Variants in ABL1 observed in about 807,000 individuals in gnomAD.
ABL1 encodes ABL proto-oncogene 1, non-receptor tyrosine kinase.
ABL1 carries 11 observed loss-of-function variants against 94.7 expected under a neutral mutation model. That is an observed-to-expected ratio of 0.12 (90% CI 0.07 to 0.19). The LOEUF (loss-of-function observed/expected upper bound fraction) is 0.19. Among genes scored for constraint, ABL1 ranks in the 10% least tolerant of loss-of-function variants. ABL1 has a pLI of 1.00. For synonymous variants in ABL1, 656 were observed against 622.4 expected, an observed-to-expected ratio of 1.05 and a Z score of -0.80; for missense variants, 1,082 against 1,489.4, an observed-to-expected ratio of 0.73 and a Z score of 4.50.
chr9:130,836,151 C>G (rs1830579814), intron 1 of ABL1, among the ~76,000 whole-genome samples: 3 of 152,204 alleles, frequency 2.0e-5, no homozygotes, highest in Admixed American at 6.5e-5. Flanking sequence ...GGAATTCGCT[C>G]TCTTTTCAGG....
rs1230482759 is a variant in ABL1, at chr9:130,872,141, G to C, written c.835G>C (p.Glu279Gln). 1 of 1,614,146 alleles carries C rather than the reference G, an allele frequency of 6.2e-7. No individual in the cohort carries two copies. Among genetic ancestry groups the C allele is most frequent in the Non-Finnish European group, 8.5e-7 (1 of 1,179,980 alleles). The stretch of plus-strand genomic sequence containing the variant: ...TTTCCTTCTGCAGGAGGACACCATG[G>C]AGGTGGAAGAGTTCTTGAAAGAAGC... ...AVKTLKEDTM[E>Q]VEEFLKEAAV... The change falls in exon 5 of 11, where the codon GAG becomes CAG. Residue 279 changes from glutamate to glutamine, a missense_variant. By Grantham distance (29) the Glu-to-Gln change is conservative. Around this residue, in one of 7 missense-constraint regions of ABL1, gnomAD observed 92 missense variants for 212.3 expected, o/e 0.43. Transcript: ENST00000318560. The surrounding 1 kb of genome is among the most constrained non-coding windows in gnomAD (Gnocchi z 5.0).
intron 1 of ABL1, among the ~76,000 whole-genome samples, chr9:130,815,256 C>T (rs1424944766): frequency 1.3e-5 from 2 of 152,164 alleles, no homozygotes; most frequent in East Asian, 3.9e-4. Context: ...ATCGCTTGAA[C>T]CCGGGAGGCG....
chr9:130,845,467 G>A (rs918042066), intron 1 of ABL1, among the ~76,000 whole-genome samples: 4 of 151,896 alleles, frequency 2.6e-5, no homozygotes, highest in South Asian at 2.1e-4. Context: ...TCAGCCTCCC[G>A]AGTAGCTGGG....
intron 1 of ABL1, among the ~76,000 whole-genome samples, chr9:130,728,993 C>A (rs1412873745): frequency 6.6e-6 from 1 of 152,068 alleles, no homozygotes; most frequent in East Asian, 1.9e-4. Context: ...TTTGTTTTGA[C>A]AAGTAGTTAG....
At chr9:130,723,851 A>AGGCTGCCCTGACAGGCTG (rs1831545554) in intron 1 of ABL1, among the ~76,000 whole-genome samples, 1 of 151,476 alleles carries the variant, frequency 6.6e-6, no homozygotes, top group South Asian at 2.1e-4. Flanking sequence ...TCGCTCTGTC[A>AGGCTGCCCTGACAGGCTG]CCCAGGCTGG....
intron 1 of ABL1, among the ~76,000 whole-genome samples, chr9:130,837,840 T>G (rs1199851886): frequency 6.6e-6 from 1 of 152,174 alleles, no homozygotes; most frequent in African/African-American, 2.4e-5. Flanking sequence ...AGTCAATCAG[T>G]GTCGATCAGT....
intron 8 of ABL1, among the ~76,000 whole-genome samples, chr9:130,879,615 A>T (rs1176328154): frequency 6.6e-6 from 1 of 152,256 alleles, no homozygotes; most frequent in Non-Finnish European, 1.5e-5. Context: ...TGCTCCAGTC[A>T]GACGCATATG....
At position 130,877,142 on chromosome 9, in the gene ABL1, T is replaced by C. The variant is rs1408669038; in HGVS notation, c.1271-1273T>C. Among the ~76,000 whole-genome samples, 2 of 148,014 alleles carry C rather than the reference T, an allele frequency of 1.4e-5. 1 individual carries two copies. The highest frequency in any genetic ancestry group is 5.2e-5 in the African/African-American group (2 of 38,650). The stretch of plus-strand genomic sequence containing the variant: ...TTATTTTCCCTGTTGATATTCAGAT[T>C]GTCTCGTCTTTGGCCAGTGGGAACT... On this transcript the variant is annotated intron_variant, in intron 7 of 10. Coordinates refer to ENST00000318560, the MANE Select transcript of ABL1 (RefSeq NM_005157.6).
intron 1 of ABL1, among the ~76,000 whole-genome samples, chr9:130,724,296 C>A (rs919129417): frequency 1.3e-5 from 2 of 152,086 alleles, no homozygotes; most frequent in Admixed American, 1.3e-4. Flanking sequence ...AAAAAAAATT[C>A]TTGATAAGAA....
chr9:130,876,719 C>T (rs1434025413), intron 7 of ABL1, among the ~76,000 whole-genome samples: 1 of 149,138 alleles, frequency 6.7e-6, no homozygotes, highest in Non-Finnish European at 1.5e-5. Context: ...CCATGCCCTG[C>T]CACAAGTTGG....
chr9:130,841,534 G>A (rs1032033668), intron 1 of ABL1, among the ~76,000 whole-genome samples: 5 of 152,046 alleles, frequency 3.3e-5, no homozygotes, highest in African/African-American at 7.2e-5. Context: ...TTTTCAGGCC[G>A]GGCGCGGTGG....
At chr9:130,842,051 G>A (rs1830681815) in intron 1 of ABL1, among the ~76,000 whole-genome samples, 1 of 151,488 alleles carries the variant, frequency 6.6e-6, no homozygotes, top group African/African-American at 2.4e-5. Flanking sequence ...AAAACAAGCT[G>A]GGAGGGAAGG....
At chr9:130,750,984 G>A (rs552765796) in intron 1 of ABL1, among the ~76,000 whole-genome samples, 1 of 151,778 alleles carries the variant, frequency 6.6e-6, no homozygotes, top group East Asian at 1.9e-4. Context: ...TGGTAGGATT[G>A]AGGTAGTTGT....
At chr9:130,836,108 C>T (rs185483086) in intron 1 of ABL1, among the ~76,000 whole-genome samples, 1 of 152,326 alleles carries the variant, frequency 6.6e-6, no homozygotes, top group East Asian at 1.9e-4. Flanking sequence ...CTCCCCCACC[C>T]CCATCTTATC....
intron 1 of ABL1, among the ~76,000 whole-genome samples, chr9:130,845,623 G>A (rs1463113547): frequency 6.6e-6 from 1 of 152,090 alleles, no homozygotes; most frequent in Non-Finnish European, 1.5e-5. Flanking sequence ...ATCAGGTGAC[G>A]GTTGTGATCA....
Position 130,835,380 on chromosome 9 carries a change from G to C in ABL1, c.-67G>C. The C allele has an allele frequency of 1.7e-6, 2 of 1,202,784 alleles. No homozygotes were observed. The highest frequency in any genetic ancestry group is 2.2e-6 in the Non-Finnish European group (2 of 895,172). The allele number at this position is 1,202,784 out of a possible 1,614,324, so 74.5% of individuals were successfully genotyped here. On this transcript the variant is annotated 5_prime_UTR_variant, in exon 1 of 11. Coordinates refer to ENST00000318560, the MANE Select transcript of ABL1 (RefSeq NM_005157.6). The surrounding 1 kb of genome is among the most constrained non-coding windows in gnomAD (Gnocchi z 4.6). ...CGGGGGGGCGCGCGGGCCGAGCCGG[G>C]CCTGAGCCGGGCCCGCGGACCGAGC...
At chr9:130,784,886 T>C (rs1358719505) in intron 1 of ABL1, among the ~76,000 whole-genome samples, 2 of 152,208 alleles carry the variant, frequency 1.3e-5, no homozygotes, top group African/African-American at 4.8e-5. Context: ...CATTTTATTC[T>C]GTAGCCATCC....
Position 130,886,026 on chromosome 9 carries a change from G to A in ABL1, c.*343G>A. ...TCCAGGCCAGGTGGGAACGGCTGAT[G>A]TGGACTGTCTTTTTCATTTTTTTCT... On this transcript the variant is annotated 3_prime_UTR_variant, in exon 11 of 11. Coordinates refer to ENST00000318560, the MANE Select transcript of ABL1 (RefSeq NM_005157.6). The A allele has an allele frequency of 3.2e-6, 1 of 309,182 alleles. No individual in the cohort carries two copies. Among genetic ancestry groups the A allele is most frequent in the Non-Finnish European group, 6.0e-6 (1 of 167,128 alleles). 19.2% of individuals were successfully genotyped at this position (309,182 alleles called of 1,614,324 possible).
chr9:130,878,606 G>A (rs544783524), intron 8 of ABL1, 39 bp downstream of exon 8: 1 of 1,604,758 alleles, frequency 6.2e-7, no homozygotes, highest in South Asian at 1.1e-5. Context: ...GTATATGTGG[G>A]CATTCCAGGA....
Sources: gnomAD v4.1 joint callset for allele counts (sites outside exome capture counted in the v4.1 genomes callset) on GRCh38, gnomAD v4.1.1 for gene constraint, gnomAD v4.1.1 regional missense constraint, Gnocchi (gnomAD v3.1) non-coding constraint, MANE v1.5 for transcripts, NCBI Gene and HGNC (gene_info 2026-07-23, HGNC 2026-07-21) for gene names.